STK33: variants seen among roughly 807,000 people sequenced by gnomAD.
The protein encoded by STK33 is serine/threonine kinase 33, also known as serine/threonine-protein kinase 33.
STK33 carries 52 observed loss-of-function variants against 58.0 expected under a neutral mutation model. The ratio of observed to expected loss-of-function variants is 0.90; its 90% CI spans 0.72 to 1.13. STK33 has a LOEUF of 1.13. Among genes scored for constraint, STK33 ranks in the 50% most tolerant of loss-of-function variants. STK33 has a pLI of 0.00. For synonymous variants in STK33, 215 were observed against 200.1 expected (o/e 1.07, Z -0.63); for missense variants, 630 against 604.2 (o/e 1.04, Z -0.45).
intron 3 of STK33, among the ~76,000 whole-genome samples, 166 bp from the exon 4 acceptor site, chr11:8,476,917 A>G (rs917616066): frequency 6.6e-6 from 1 of 152,188 alleles, no homozygotes; most frequent in African/African-American, 2.4e-5. Flanking sequence ...AAAATCCTAA[A>G]TGCTGTACTT....
In STK33 at chr11:8,576,445, T is replaced by A. The variant is rs183834770; in HGVS notation, c.-466+17638A>T. On this transcript the variant is annotated intron_variant, in intron 1 of 15. Coordinates refer to ENST00000687296, the MANE Select transcript of STK33 (RefSeq NM_001352389.2). ...TGTAATAAGAAGAAATAAATAAACC[T>A]GAAATCTATTTTCAGATTGTAGATA... Among the ~76,000 whole-genome samples, 22 of 152,326 alleles carry A rather than the reference T, an allele frequency of 1.4e-4. No individual in the cohort carries two copies. The East Asian group carries it at 4.2e-3, about 29-fold the overall frequency.
At chr11:8,570,737 G>A (rs1231758233) in intron 1 of STK33, among the ~76,000 whole-genome samples, 6 of 152,092 alleles carry the variant, frequency 3.9e-5, no homozygotes, top group Non-Finnish European at 7.4e-5. Flanking sequence ...ACATTAAAAC[G>A]GACATAAGGG....
chr11:8,489,284 G>GAAAAAAAAAAGAAAGA (rs557226137), intron 1 of STK33, among the ~76,000 whole-genome samples: 1 of 116,526 alleles, frequency 8.6e-6, no homozygotes, highest in African/African-American at 3.1e-5. Context: ...AAAAAAAAAA[G>GAAAAAAAAAAGAAAGA]AAAGAAAAGA....
At position 8,500,072 on chromosome 11, in the gene STK33, TA is replaced by T. The variant is rs529977808; in HGVS notation, c.-465-19459del. Among the ~76,000 whole-genome samples, 25 of 152,058 alleles carry T rather than the reference TA, an allele frequency of 1.6e-4. No homozygotes were observed. The South Asian group carries it at 4.4e-3, about 27-fold the overall frequency. ...TACCCCAGAACTTAAAATATAATTT[TA>T]AAAAAACATAAGTAACATCATACTT... is the stretch of plus-strand genomic sequence containing the variant. On this transcript the variant is annotated intron_variant, in intron 1 of 15. Coordinates refer to ENST00000687296, the MANE Select transcript of STK33 (RefSeq NM_001352389.2).
chr11:8,443,672 T>A (rs10840048), intron 11 of STK33, among the ~76,000 whole-genome samples: 12,531 of 150,296 alleles, frequency 0.083, 1,159 homozygotes, highest in African/African-American at 0.23. Context: ...ATAAGCCTGA[T>A]AATAAATATG....
Position 8,456,464 on chromosome 11 carries a change from TTAATCTTTG to T in STK33, c.697+868_697+876del, listed in dbSNP as rs1416711437. On this transcript the variant is annotated intron_variant, in intron 9 of 15. Transcript: ENST00000687296. ...CCTTGGAGAGCAGGGGCCTTGTCTT[TTAATCTTTG>T]TAATCTAGGACCAATCTCAATGCAG... Among the ~76,000 whole-genome samples the T allele has an allele frequency of 1.2e-4, 19 of 152,266 alleles. No individual in the cohort carries two copies. The East Asian group carries it at 3.5e-3, about 28-fold the overall frequency.
rs986546637 is a variant in STK33 at position 8,398,124 on chromosome 11, C to G, written c.1345-5414G>C. On this transcript the variant is annotated intron_variant, in intron 15 of 15. Transcript: ENST00000687296. ...AAATACAGAGAATGCCACAAAGATACTCCTCGAGAAGAGCAACTCCAAGAC... is the reference window on the plus strand; with the variant it reads ...AAATACAGAGAATGCCACAAAGATAGTCCTCGAGAAGAGCAACTCCAAGAC... Among the ~76,000 whole-genome samples, 8 of 152,244 alleles carry G rather than the reference C, an allele frequency of 5.3e-5. No homozygotes were observed. The South Asian group carries it at 1.0e-3, about 20-fold the overall frequency.
chr11:8,501,169 A>G (rs1296129630), intron 1 of STK33, among the ~76,000 whole-genome samples: 3 of 152,202 alleles, frequency 2.0e-5, no homozygotes, highest in Non-Finnish European at 4.4e-5. Context: ...CTAAAGCATG[A>G]GCAACCAAAG....
At position 8,570,753 on chromosome 11, in the gene STK33, T is replaced by TG. The variant is rs528848076; in HGVS notation, c.-466+23329dup. ...CATTAAAACGGACATAAGGGAATTT[T>TG]GGGGGGGTGATGGATATGTTCACTA... On this transcript the variant is annotated intron_variant, in intron 1 of 15. Transcript: ENST00000687296. Among the ~76,000 whole-genome samples, 54 of 152,156 alleles carry TG rather than the reference T, an allele frequency of 3.5e-4. 1 individual carries two copies. In the East Asian group the frequency reaches 9.6e-3, roughly 27 times the overall value.
At chr11:8,505,181 G>A (rs539206755) in intron 1 of STK33, among the ~76,000 whole-genome samples, 9 of 152,256 alleles carry the variant, frequency 5.9e-5, no homozygotes, top group African/African-American at 1.4e-4. Context: ...GTTCCACTTC[G>A]AAACTCTTAT....
At chr11:8,583,284 C>T (rs1034526695) in intron 1 of STK33, among the ~76,000 whole-genome samples, 2 of 152,178 alleles carry the variant, frequency 1.3e-5, no homozygotes, top group Admixed American at 1.3e-4. Flanking sequence ...TAAAGGTCTT[C>T]ACTATCCCAG....
intron 1 of STK33, among the ~76,000 whole-genome samples, chr11:8,587,589 A>G (rs1319113621): frequency 2.6e-3 from 1 of 390 alleles, no homozygotes; most frequent in Non-Finnish European, 0.029. Context: ...ATGGAAGGTA[A>G]AAAAAAAAAA....
At position 8,437,414 on chromosome 11, in the gene STK33, A is replaced by G. The variant is rs1446088288; in HGVS notation, c.948-1275T>C. ...CTGTCAACTCCAACATCTGAGGGCA[A>G]TCCTATAGATAACAACCAGATTTGT... On this transcript the variant is annotated intron_variant, in intron 12 of 15. Transcript: ENST00000687296. 2.6e-5 allele frequency among the ~76,000 whole-genome samples: 4 copies of G among 152,208 alleles called. No homozygotes were observed. In the East Asian group the frequency reaches 5.8e-4, roughly 22 times the overall value.
In STK33 at chr11:8,445,549, G is replaced by A. The variant is rs533618972; in HGVS notation, c.872-4796C>T. On this transcript the variant is annotated intron_variant, in intron 11 of 15. Transcript: ENST00000687296. Reference sequence around the variant, plus strand: ...AATAGCTCTTATTATTTTGAGATACGTTTCATCAATACCTAGTTTATTGAG... The same window carrying A: ...AATAGCTCTTATTATTTTGAGATACATTTCATCAATACCTAGTTTATTGAG... 9.2e-5 allele frequency among the ~76,000 whole-genome samples: 14 copies of A among 152,150 alleles called. 1 individual carries two copies. The highest frequency in any genetic ancestry group is 1.9e-4 in the African/African-American group (8 of 41,532).
In STK33 at chr11:8,573,815, T is replaced by C. The variant is rs76238748; in HGVS notation, c.-466+20268A>G. On this transcript the variant is annotated intron_variant, in intron 1 of 15. Coordinates refer to ENST00000687296, the MANE Select transcript of STK33 (RefSeq NM_001352389.2). The stretch of plus-strand genomic sequence containing the variant: ...AATTATGCTGAGTGAAAAAAGCCAA[T>C]CTCAAAAGGTTACATACTGTATGAT... Among the ~76,000 whole-genome samples, 1,076 of 152,234 alleles carry C rather than the reference T, an allele frequency of 7.1e-3. 13 individuals carry two copies. The highest frequency in any genetic ancestry group is 0.025 in the African/African-American group (1,023 of 41,520).
At chr11:8,593,283 T>G (rs1412390612) in intron 1 of STK33, among the ~76,000 whole-genome samples, 3 of 152,196 alleles carry the variant, frequency 2.0e-5, no homozygotes, top group Non-Finnish European at 2.9e-5. Context: ...CACAGAGCCC[T>G]CTTTCAAGGC....
chr11:8,564,686 G>A (rs1957336932), intron 1 of STK33, among the ~76,000 whole-genome samples: 1 of 152,120 alleles, frequency 6.6e-6, no homozygotes, highest in African/African-American at 2.4e-5. Flanking sequence ...CTTATTAAAA[G>A]CATTCTTAGC....
chr11:8,469,582 T>C (rs1374813119), intron 6 of STK33, among the ~76,000 whole-genome samples: 2 of 152,204 alleles, frequency 1.3e-5, no homozygotes, highest in Non-Finnish European at 2.9e-5. Context: ...GAATCACAAA[T>C]GTTCTCAATG....
intron 1 of STK33, chr11:8,565,961 G>A (rs1463914081): frequency 2.0e-5 from 3 of 152,178 alleles, no homozygotes; most frequent in African/African-American, 4.8e-5. Context: ...TTCATTTCCA[G>A]TGTGACAAAT....
Sources: allele counts gnomAD v4.1 joint callset (sites outside exome capture counted in the v4.1 genomes callset), GRCh38; gene constraint gnomAD v4.1.1; transcripts MANE v1.5; gene names NCBI Gene and HGNC (gene_info 2026-07-23, HGNC 2026-07-21).